The following STX8 variants were observed in gnomAD, a reference collection of about 807,000 sequenced individuals.
STX8 encodes the protein syntaxin-8.
STX8 carries 23 observed loss-of-function variants against 37.5 expected under a neutral mutation model. The ratio of observed to expected loss-of-function variants is 0.61; its 90% CI spans 0.44 to 0.87. STX8 has a LOEUF of 0.87. Ranked by LOEUF, STX8 falls within the 40% of genes least tolerant of loss-of-function variation. STX8 has a pLI of 0.00. For synonymous variants in STX8, 115 were observed against 99.1 expected (o/e 1.16, Z -0.95); for missense variants, 313 against 284.7 (o/e 1.10, Z -0.71).
chr17:9,319,709 T>C (rs552615308), intron 7 of STX8, among the ~76,000 whole-genome samples: 26 of 151,962 alleles, frequency 1.7e-4, no homozygotes, highest in Non-Finnish European at 3.8e-4. Flanking sequence ...TCCCAGCACT[T>C]TGGGAGGCCG....
intron 7 of STX8, among the ~76,000 whole-genome samples, chr17:9,325,537 C>G (rs572660547): frequency 2.0e-5 from 3 of 152,206 alleles, no homozygotes; most frequent in Non-Finnish European, 4.4e-5. Flanking sequence ...CAACACTCTG[C>G]TGTTGCCATC....
At chr17:9,549,080 A>G (rs922560429) in intron 3 of STX8, among the ~76,000 whole-genome samples, 2 of 152,206 alleles carry the variant, frequency 1.3e-5, no homozygotes, top group Non-Finnish European at 2.9e-5. Context: ...CAAGCCTAGA[A>G]AAGTCTGAGA....
intron 2 of STX8, among the ~76,000 whole-genome samples, chr17:9,559,753 TATATA>T (rs1567610134): frequency 2.2e-5 from 1 of 45,006 alleles, no homozygotes; most frequent in African/African-American, 9.4e-5. Context: ...TATATATATA[TATATA>T]TATTTTTTTT....
rs561435702 is a variant in STX8 at position 9,375,564 on chromosome 17, T to C, written c.643+2988A>G. ...CAAAAACAACATATATAACATTGTA[T>C]GTCTTCCTGCTCTAGACATATAGTA... On this transcript the variant is annotated intron_variant, in intron 7 of 7. Coordinates refer to ENST00000306357, the MANE Select transcript of STX8 (RefSeq NM_004853.3). 9.2e-5 allele frequency among the ~76,000 whole-genome samples: 14 copies of C among 152,316 alleles called. No homozygotes were observed. The East Asian group carries it at 2.7e-3, about 29-fold the overall frequency.
chr17:9,440,781 T>C (rs1904619293), intron 6 of STX8, among the ~76,000 whole-genome samples: 1 of 152,176 alleles, frequency 6.6e-6, no homozygotes, highest in South Asian at 2.1e-4. Flanking sequence ...CGCCTCGGCC[T>C]CCCAAAGTGC....
chr17:9,555,448 G>A (rs1201270132), intron 3 of STX8: 1 of 152,154 alleles, frequency 6.6e-6, no homozygotes, highest in Non-Finnish European at 1.5e-5. Flanking sequence ...GGAAGCAAAT[G>A]CATATTATAT....
intron 5 of STX8, among the ~76,000 whole-genome samples, chr17:9,496,075 CTTTT>C (rs10556314): frequency 1.7e-4 from 23 of 137,998 alleles, no homozygotes; most frequent in Non-Finnish European, 1.7e-4. Flanking sequence ...TTTTCTTTCT[CTTTT>C]TTTTTTTTTT....
At chr17:9,546,388 A>T (rs1174263386) in intron 3 of STX8, among the ~76,000 whole-genome samples, 2 of 21,510 alleles carry the variant, frequency 9.3e-5, no homozygotes, top group African/African-American at 2.4e-4. Context: ...AGTGATGGTT[A>T]AAAAAAAAAA....
chr17:9,270,328 A>G (rs1297210242), intron 7 of STX8, among the ~76,000 whole-genome samples: 2 of 152,008 alleles, frequency 1.3e-5, no homozygotes, highest in Non-Finnish European at 2.9e-5. Context: ...CACTGCAAGC[A>G]CCGCCGTCTC....
At chr17:9,557,772 G>A (rs1907038536) in intron 2 of STX8, among the ~76,000 whole-genome samples, 1 of 152,140 alleles carries the variant, frequency 6.6e-6, no homozygotes, top group Admixed American at 6.6e-5. Context: ...AGCCAGACTG[G>A]AACCCCGATA....
intron 6 of STX8, among the ~76,000 whole-genome samples, chr17:9,462,256 A>C (rs2142422298): frequency 6.6e-6 from 1 of 152,246 alleles, no homozygotes; most frequent in East Asian, 1.9e-4. Flanking sequence ...ACCTTCACCT[A>C]AGGAAACCTG....
intron 1 of STX8, among the ~76,000 whole-genome samples, chr17:9,570,318 G>C (rs577704490): frequency 2.3e-4 from 35 of 151,914 alleles, no homozygotes; most frequent in African/African-American, 8.2e-4. Flanking sequence ...CCTATACTAA[G>C]AGCTTTACAC....
chr17:9,335,286 C>T (rs1210647902), intron 7 of STX8, among the ~76,000 whole-genome samples: 1 of 152,362 alleles, frequency 6.6e-6, no homozygotes, highest in East Asian at 1.9e-4. Context: ...GCAAGTCACA[C>T]TCTTCTACAG....
intron 1 of STX8, 86 bp downstream of exon 1, chr17:9,575,706 G>T: frequency 6.7e-7 from 1 of 1,492,642 alleles, no homozygotes. Flanking sequence ...GGCCACCAGC[G>T]GCAATGCGAA....
At chr17:9,286,767 T>C (rs1295616380) in intron 7 of STX8, among the ~76,000 whole-genome samples, 2 of 151,038 alleles carry the variant, frequency 1.3e-5, no homozygotes, top group Non-Finnish European at 2.9e-5. Context: ...CTGATGAATA[T>C]TGTTCGGTGT....
Position 9,454,087 on chromosome 17 carries a change from T to C in STX8, c.541+37742A>G, listed in dbSNP as rs116578789. ...TGTTTTCTACATTATATATACATCATTAAATAAATTGAATATCATATTTGA... is the reference window on the plus strand; with the variant it reads ...TGTTTTCTACATTATATATACATCACTAAATAAATTGAATATCATATTTGA... On this transcript the variant is annotated intron_variant, in intron 6 of 7. Transcript: ENST00000306357. 2.8e-3 allele frequency among the ~76,000 whole-genome samples: 420 copies of C among 152,346 alleles called. 2 individuals are homozygous for C. The highest frequency in any genetic ancestry group is 9.6e-3 in the African/African-American group (398 of 41,586).
At chr17:9,428,273 ACT>A (rs1362603845) in intron 6 of STX8, among the ~76,000 whole-genome samples, 1 of 151,962 alleles carries the variant, frequency 6.6e-6, no homozygotes, top group Non-Finnish European at 1.5e-5. Context: ...ATGGAGTCTC[ACT>A]CTGTCTCCAG....
intron 7 of STX8, among the ~76,000 whole-genome samples, chr17:9,345,848 C>CTTTTTTTTTT (rs545020159): frequency 0.23 from 11,680 of 51,656 alleles, 3,927 homozygotes; most frequent in South Asian, 0.34. Context: ...TTATGCATTC[C>CTTTTTTTTTT]TTTTTTTTTT....
At chr17:9,440,527 T>TTTA (rs57088656) in intron 6 of STX8, among the ~76,000 whole-genome samples, 68,038 of 148,404 alleles carry the variant, frequency 0.46, 15,856 homozygotes, top group Middle Eastern at 0.57. Flanking sequence ...AATCAATGAT[T>TTTA]TTTTTTTTTT....
Sources: allele counts gnomAD v4.1 joint callset (sites outside exome capture counted in the v4.1 genomes callset), GRCh38; gene constraint gnomAD v4.1.1; transcripts MANE v1.5; gene names NCBI Gene and HGNC (gene_info 2026-07-23, HGNC 2026-07-21).